Variants in MAP3K7 observed in about 807,000 individuals in gnomAD.
The protein encoded by MAP3K7 is mitogen-activated protein kinase kinase kinase 7.
A neutral mutation model predicts 84.8 loss-of-function variants in MAP3K7; 21 were observed. The observed-to-expected ratio is 0.25, with a 90% CI of 0.18 to 0.36. The LOEUF (loss-of-function observed/expected upper bound fraction) is 0.36, where lower values mean the gene tolerates loss of function less well. Among genes scored for constraint, MAP3K7 ranks in the 10% least tolerant of loss-of-function variants. The pLI, the probability that MAP3K7 is intolerant of heterozygous loss-of-function variation, is 1.00. For missense variants in MAP3K7, 503 were observed against 747.7 expected (o/e 0.67, Z 3.82); for synonymous variants, 241 against 247.7 (o/e 0.97, Z 0.25).
intron 12 of MAP3K7, among the ~76,000 whole-genome samples, chr6:90,541,421 G>C (rs1410627150): frequency 1.3e-5 from 2 of 151,952 alleles, no homozygotes; most frequent in Non-Finnish European, 2.9e-5. Context: ...TACAAAGGAA[G>C]AGTCAGCAAA....
At chr6:90,518,589 A>G in intron 15 of MAP3K7, 27 bp from the exon 16 acceptor site, 2 of 1,196,518 alleles carry the variant, frequency 1.7e-6, no homozygotes, top group Non-Finnish European at 2.5e-6. Context: ...ATGTTAAAAC[A>G]TAATTAAATC....
At chr6:90,519,091 TAACTTA>T (rs1324057057) in intron 15 of MAP3K7, among the ~76,000 whole-genome samples, 161 bp downstream of exon 15, 1 of 151,928 alleles carries the variant, frequency 6.6e-6, no homozygotes, top group Non-Finnish European at 1.5e-5. Flanking sequence ...AAAGTTTGAT[TAACTTA>T]ACCAAAAGAA....
At chr6:90,575,804 T>C (rs1234163768) in intron 1 of MAP3K7, among the ~76,000 whole-genome samples, 2 of 152,138 alleles carry the variant, frequency 1.3e-5, no homozygotes, top group African/African-American at 4.8e-5. Flanking sequence ...CAAGTGAGGC[T>C]TGATGTTGAA....
intron 14 of MAP3K7, among the ~76,000 whole-genome samples, chr6:90,520,979 A>T (rs1462897214): frequency 1.3e-5 from 2 of 152,088 alleles, no homozygotes; most frequent in African/African-American, 2.4e-5. Context: ...TCATTATATC[A>T]GCACCCTGTA....
intron 3 of MAP3K7, among the ~76,000 whole-genome samples, chr6:90,565,799 A>G (rs1776682561): frequency 6.6e-6 from 1 of 152,228 alleles, no homozygotes. Flanking sequence ...ATGAACATCG[A>G]TGCAAAAATC....
intron 13 of MAP3K7, among the ~76,000 whole-genome samples, chr6:90,535,929 C>G (rs991589037): frequency 6.6e-6 from 1 of 152,176 alleles, no homozygotes; most frequent in Non-Finnish European, 1.5e-5. Flanking sequence ...CCCTACGTGG[C>G]GCTAGAGGAG....
chr6:90,583,371 C>A (rs1407786272), intron 1 of MAP3K7, among the ~76,000 whole-genome samples: 3 of 152,184 alleles, frequency 2.0e-5, no homozygotes, highest in Non-Finnish European at 4.4e-5. Flanking sequence ...AACTGACTCA[C>A]AAGTGAGAAG....
chr6:90,516,256 T>C lies in MAP3K7; in HGVS notation c.*245A>G, dbSNP rs139814039. 3 of 537,696 alleles carry C rather than the reference T, an allele frequency of 5.6e-6. No individual in the cohort carries two copies. The highest frequency in any genetic ancestry group is 9.9e-6 in the Non-Finnish European group (3 of 303,480). 33.3% of individuals were successfully genotyped at this position (537,696 alleles called of 1,614,324 possible). On this transcript the variant is annotated 3_prime_UTR_variant, in exon 17 of 17. Coordinates refer to ENST00000369329, the MANE Select transcript of MAP3K7 (RefSeq NM_145331.3). The stretch of plus-strand genomic sequence containing the variant: ...ACAGCCACAGTTCACTGCATCTGTT[T>C]TGAAGTTGCAAAGTGCTGCTCATTC...
At chr6:90,549,736 C>T (rs2127973199) in intron 9 of MAP3K7, among the ~76,000 whole-genome samples, 1 of 152,162 alleles carries the variant, frequency 6.6e-6, no homozygotes, top group East Asian at 1.9e-4. Flanking sequence ...GAATTCAGAG[C>T]AACTCAAAAT....
intron 1 of MAP3K7, among the ~76,000 whole-genome samples, chr6:90,579,862 GAGAC>G (rs1289412126): frequency 3.3e-5 from 5 of 152,124 alleles, no homozygotes; most frequent in Middle Eastern, 3.2e-3. Flanking sequence ...TTACCAGTGG[GAGAC>G]AGACAAACAA....
intron 5 of MAP3K7, among the ~76,000 whole-genome samples, chr6:90,557,580 C>T (rs538590052): frequency 3.9e-5 from 6 of 152,180 alleles, no homozygotes; most frequent in African/African-American, 9.6e-5. Context: ...GCTTTTTTCC[C>T]GCATCTCAAT....
At chr6:90,531,956 GA>G (rs796192167) in intron 13 of MAP3K7, among the ~76,000 whole-genome samples, 244 of 118,434 alleles carry the variant, frequency 2.1e-3, no homozygotes, top group East Asian at 3.7e-3. Flanking sequence ...CTGTGTCTCG[GA>G]AAAAAAAAAA....
intron 6 of MAP3K7, among the ~76,000 whole-genome samples, chr6:90,555,503 C>A (rs1776308234): frequency 6.6e-6 from 1 of 152,178 alleles, no homozygotes; most frequent in South Asian, 2.1e-4. Context: ...GATCCGCCCA[C>A]CTCAGCCTCC....
At chr6:90,578,920 T>C (rs1777175105) in intron 1 of MAP3K7, among the ~76,000 whole-genome samples, 1 of 152,238 alleles carries the variant, frequency 6.6e-6, no homozygotes, top group Non-Finnish European at 1.5e-5. Flanking sequence ...TAAAGCTCTT[T>C]CTTACAAATA....
chr6:90,538,318 T>C (rs1270676961), intron 12 of MAP3K7, among the ~76,000 whole-genome samples: 1 of 151,980 alleles, frequency 6.6e-6, no homozygotes, highest in Non-Finnish European at 1.5e-5. Context: ...TTACTGGGTG[T>C]GTTCTCAGTA....
chr6:90,516,700 T>G lies in MAP3K7; in HGVS notation c.1641-19A>C. On this transcript the variant is annotated intron_variant, in intron 16 of 16. Transcript: ENST00000369329. ...TTCTTGCCTACAAACAAATACCACATAATATTACACATGATGGAAAAATTC... is the reference window on the plus strand; with the variant it reads ...TTCTTGCCTACAAACAAATACCACAGAATATTACACATGATGGAAAAATTC... 6.3e-7 allele frequency: 1 copy of G among 1,576,118 alleles called. No individual in the cohort carries two copies. Among genetic ancestry groups the G allele is most frequent in the East Asian group, 2.2e-5 (1 of 44,546 alleles).
At chr6:90,526,675 T>G (rs900767108) in intron 13 of MAP3K7, among the ~76,000 whole-genome samples, 1 of 151,496 alleles carries the variant, frequency 6.6e-6, no homozygotes, top group Non-Finnish European at 1.5e-5. Flanking sequence ...AAATGAAAAA[T>G]AGTAAAAGAT....
At chr6:90,572,692 C>G (rs1330678474) in intron 1 of MAP3K7, among the ~76,000 whole-genome samples, 3 of 151,814 alleles carry the variant, frequency 2.0e-5, no homozygotes, top group Non-Finnish European at 2.9e-5. Context: ...GATCTCATTA[C>G]AGTTATTTTT....
intron 1 of MAP3K7, among the ~76,000 whole-genome samples, chr6:90,572,619 T>C (rs1180917789): frequency 2.0e-5 from 3 of 151,354 alleles, no homozygotes; most frequent in Non-Finnish European, 2.9e-5. Flanking sequence ...GACAACCTGG[T>C]AAATTTGCAA....
Sources: allele counts gnomAD v4.1 joint callset (sites outside exome capture counted in the v4.1 genomes callset), GRCh38; gene constraint gnomAD v4.1.1; transcripts MANE v1.5; gene names NCBI Gene and HGNC (gene_info 2026-07-23, HGNC 2026-07-21).